Variants in ZMAT4 observed in about 807,000 individuals in gnomAD.
The protein encoded by ZMAT4 is zinc finger matrin-type 4.
A neutral mutation model predicts 28.7 loss-of-function variants in ZMAT4; 17 were observed. The ratio of observed to expected loss-of-function variants is 0.59; its 90% CI spans 0.41 to 0.89. The LOEUF (loss-of-function observed/expected upper bound fraction) is 0.89. Ranked by LOEUF, ZMAT4 falls within the 40% of genes least tolerant of loss-of-function variation. ZMAT4 has a pLI of 0.00. For missense variants in ZMAT4, 240 were observed against 283.8 expected (o/e 0.85, Z 1.11); for synonymous variants, 117 against 109.2 (o/e 1.07, Z -0.44).
intron 5 of ZMAT4, among the ~76,000 whole-genome samples, chr8:40,581,975 A>T (rs1304793082): frequency 6.6e-6 from 1 of 152,232 alleles, no homozygotes; most frequent in East Asian, 1.9e-4. Context: ...CTTTAACCAA[A>T]TAGCCTTAAA....
At chr8:40,638,393 C>G (rs1806876745) in intron 5 of ZMAT4, among the ~76,000 whole-genome samples, 1 of 152,194 alleles carries the variant, frequency 6.6e-6, no homozygotes, top group African/African-American at 2.4e-5. Context: ...TTACATTTGT[C>G]TTTAATTTAT....
chr8:40,652,690 C>A (rs1383540059), intron 5 of ZMAT4, among the ~76,000 whole-genome samples: 11 of 109,474 alleles, frequency 1.0e-4, no homozygotes, highest in African/African-American at 3.3e-4. Flanking sequence ...ACCCAAATGT[C>A]CAACAATGAT....
intron 1 of ZMAT4, among the ~76,000 whole-genome samples, chr8:40,877,106 T>G (rs1245734472): frequency 6.6e-6 from 1 of 152,202 alleles, no homozygotes; most frequent in Non-Finnish European, 1.5e-5. Context: ...AATGGAAATC[T>G]GGACACAGTG....
At chr8:40,699,897 T>C (rs78818465) in intron 3 of ZMAT4, among the ~76,000 whole-genome samples, 3,523 of 152,338 alleles carry the variant, frequency 0.023, 51 homozygotes, top group Middle Eastern at 0.068. Flanking sequence ...ACTCCAGCCA[T>C]GCCTGGCCTT....
chr8:40,843,579 G>T (rs1251107224), intron 1 of ZMAT4, among the ~76,000 whole-genome samples: 2 of 152,186 alleles, frequency 1.3e-5, no homozygotes, highest in African/African-American at 4.8e-5. Flanking sequence ...GCAGCAGCAA[G>T]CCCTAATATT....
At chr8:40,886,295 G>A (rs1339170917) in intron 1 of ZMAT4, among the ~76,000 whole-genome samples, 2 of 152,220 alleles carry the variant, frequency 1.3e-5, no homozygotes, top group African/African-American at 4.8e-5. Flanking sequence ...AGGCCCCTGG[G>A]GATCAGAAGG....
rs541397351 is a variant in ZMAT4 at position 40,690,834 on chromosome 8, G to T, written c.349+6411C>A. On this transcript the variant is annotated intron_variant, in intron 4 of 6. Transcript: ENST00000297737. ...TTTCAACAGGAAATAAGGAAAAAAA[G>T]AAGAGAACCAATAAGATTTTAGAAG... is the stretch of plus-strand genomic sequence containing the variant. 1.6e-5 allele frequency: 15 copies of T among 910,334 alleles called. No individual in the cohort carries two copies. The Admixed American group carries it at 3.1e-4, about 19-fold the overall frequency. The allele number at this position is 910,334 out of a possible 1,614,324, so 56.4% of individuals were successfully genotyped here.
At chr8:40,647,002 T>C (rs989415371) in intron 5 of ZMAT4, among the ~76,000 whole-genome samples, 1 of 152,238 alleles carries the variant, frequency 6.6e-6, no homozygotes. Context: ...GATAAGTATA[T>C]TCTTTAACCA....
chr8:40,566,555 C>T (rs528063882), intron 6 of ZMAT4, among the ~76,000 whole-genome samples: 61 of 152,154 alleles, frequency 4.0e-4, no homozygotes, highest in African/African-American at 1.4e-3. Flanking sequence ...AGGACTCTCA[C>T]GGGATGTGGA....
chr8:40,894,255 G>A (rs1818794862), intron 1 of ZMAT4, among the ~76,000 whole-genome samples: 1 of 152,236 alleles, frequency 6.6e-6, no homozygotes, highest in Non-Finnish European at 1.5e-5. Flanking sequence ...ACCACTCCAG[G>A]TGCTCTGGTG....
intron 1 of ZMAT4, among the ~76,000 whole-genome samples, chr8:40,846,823 T>A (rs1472299525): frequency 6.6e-6 from 1 of 152,052 alleles, no homozygotes; most frequent in Admixed American, 6.6e-5. Flanking sequence ...TTCAGGTAGG[T>A]CATCATTTTA....
intron 1 of ZMAT4, among the ~76,000 whole-genome samples, chr8:40,875,709 T>G (rs1171426207): frequency 6.6e-6 from 1 of 152,074 alleles, no homozygotes; most frequent in Non-Finnish European, 1.5e-5. Flanking sequence ...ACTGAGGTCA[T>G]GCTACTCCCC....
chr8:40,781,238 T>C (rs1165418663), intron 2 of ZMAT4, among the ~76,000 whole-genome samples: 1 of 151,870 alleles, frequency 6.6e-6, no homozygotes, highest in African/African-American at 2.4e-5. Flanking sequence ...CAATTAACAA[T>C]CTAAAAATGA....
chr8:40,879,661 TAAAG>T (rs759688345), intron 1 of ZMAT4, among the ~76,000 whole-genome samples: 86 of 152,278 alleles, frequency 5.6e-4, no homozygotes, highest in Middle Eastern at 3.4e-3. Context: ...TAAAAATGAA[TAAAG>T]ACTCACTGTA....
chr8:40,797,059 G>A (rs1814629515), intron 2 of ZMAT4, among the ~76,000 whole-genome samples: 3 of 152,136 alleles, frequency 2.0e-5, no homozygotes, highest in Non-Finnish European at 2.9e-5. Context: ...AAGCTACACT[G>A]CACACCATTT....
At chr8:40,809,141 T>G (rs940264466) in intron 2 of ZMAT4, among the ~76,000 whole-genome samples, 2 of 152,230 alleles carry the variant, frequency 1.3e-5, no homozygotes, top group Non-Finnish European at 1.5e-5. Context: ...GAAAAAATTG[T>G]GTCCTTTGCA....
intron 2 of ZMAT4, among the ~76,000 whole-genome samples, chr8:40,794,307 G>A (rs1814489012): frequency 6.6e-6 from 1 of 152,096 alleles, no homozygotes; most frequent in Non-Finnish European, 1.5e-5. Flanking sequence ...GGCATTTGGA[G>A]GCATCAGAAT....
At chr8:40,740,540 A>G (rs904843118) in intron 3 of ZMAT4, among the ~76,000 whole-genome samples, 4 of 152,246 alleles carry the variant, frequency 2.6e-5, no homozygotes, top group African/African-American at 9.6e-5. Flanking sequence ...ATATTTTAAG[A>G]TATCTTCAAC....
chr8:40,711,864 A>T lies in ZMAT4; in HGVS notation c.193-14463T>A, dbSNP rs146550766. 2.6e-5 allele frequency among the ~76,000 whole-genome samples: 4 copies of T among 152,288 alleles called. No homozygotes were observed. In the East Asian group the frequency reaches 7.7e-4, roughly 29 times the overall value. ...AAAGCTTCTGGAATGATTGGCAAAG[A>T]TCTATTTCACAACCTGGGTAGTGGT... On this transcript the variant is annotated intron_variant, in intron 3 of 6. Transcript: ENST00000297737.
Sources: gnomAD v4.1 joint callset for allele counts (sites outside exome capture counted in the v4.1 genomes callset) on GRCh38, gnomAD v4.1.1 for gene constraint, MANE v1.5 for transcripts, NCBI Gene and HGNC (gene_info 2026-07-23, HGNC 2026-07-21) for gene names.